Variants in PDZD2 observed in about 807,000 individuals in gnomAD.
PDZD2 encodes the protein PDZ domain-containing protein 2.
Under a neutral mutation model 220.7 loss-of-function variants are expected in PDZD2, and 90 were observed. The observed-to-expected ratio is 0.41, with a 90% CI of 0.34 to 0.49. The LOEUF is 0.49. Ranked by LOEUF, PDZD2 falls within the 20% of genes least tolerant of loss-of-function variation. The pLI is 0.28. For synonymous variants in PDZD2, 1,375 were observed against 1,450.5 expected, an observed-to-expected ratio of 0.95 and a Z score of 1.18; for missense variants, 3,174 against 3,608.5, an observed-to-expected ratio of 0.88 and a Z score of 3.08.
intron 2 of PDZD2, among the ~76,000 whole-genome samples, chr5:31,951,103 G>C (rs1176022283): frequency 6.6e-6 from 1 of 151,980 alleles, no homozygotes; most frequent in African/African-American, 2.4e-5. Context: ...GTCTCACTCT[G>C]TCTCCCAAAC....
chr5:31,935,774 A>G (rs1452617101), intron 2 of PDZD2, among the ~76,000 whole-genome samples: 1 of 152,146 alleles, frequency 6.6e-6, no homozygotes, highest in Non-Finnish European at 1.5e-5. Flanking sequence ...ACACATTTTG[A>G]TAGTATTTTG....
chr5:31,806,997 C>T (rs369466082), intron 2 of PDZD2, among the ~76,000 whole-genome samples: 2 of 149,074 alleles, frequency 1.3e-5, no homozygotes, highest in African/African-American at 5.0e-5. Context: ...TGCAACGGCG[C>T]GATCTCGACT....
At chr5:31,689,353 A>ATATTTTTTTTTTCTTT in intron 1 of PDZD2, among the ~76,000 whole-genome samples, 2 of 35,116 alleles carry the variant, frequency 5.7e-5, no homozygotes, top group Non-Finnish European at 8.4e-5. Context: ...ATATATATAT[A>ATATTTTTTTTTTCTTT]TTTTTTTTTT....
Position 31,674,753 on chromosome 5 carries a change from A to C in PDZD2, c.-361+35316A>C, listed in dbSNP as rs139666333. Among the ~76,000 whole-genome samples, 65 of 152,352 alleles carry C rather than the reference A, an allele frequency of 4.3e-4. 1 individual carries two copies. In the East Asian group the frequency reaches 0.012, roughly 28 times the overall value. On this transcript the variant is annotated intron_variant, in intron 1 of 24. Transcript: ENST00000438447. Reference sequence around the variant, plus strand: ...CAAATGAAACACTTGGGAGTCATAAAACATGAATGGCTGCTCTTTGTGGCG... The same window carrying C: ...CAAATGAAACACTTGGGAGTCATAACACATGAATGGCTGCTCTTTGTGGCG...
At chr5:31,977,161 A>G (rs1052287520) in intron 2 of PDZD2, among the ~76,000 whole-genome samples, 2 of 151,948 alleles carry the variant, frequency 1.3e-5, no homozygotes, top group African/African-American at 4.8e-5. Context: ...TCTGGCCCCA[A>G]GTTACTTTGA....
intron 5 of PDZD2, among the ~76,000 whole-genome samples, chr5:32,002,014 G>A (rs1752168206): frequency 2.0e-5 from 3 of 152,172 alleles, no homozygotes; most frequent in Non-Finnish European, 2.9e-5. Context: ...CTTTTTCCAT[G>A]ATCTCTGTTG....
At chr5:31,968,906 A>G (rs78333362) in intron 2 of PDZD2, among the ~76,000 whole-genome samples, 1 of 152,204 alleles carries the variant, frequency 6.6e-6, no homozygotes, top group Non-Finnish European at 1.5e-5. Context: ...AAACGAAAAC[A>G]TGTCATATAC....
intron 2 of PDZD2, among the ~76,000 whole-genome samples, chr5:31,854,519 T>C (rs1758255450): frequency 6.6e-6 from 1 of 152,182 alleles, no homozygotes; most frequent in South Asian, 2.1e-4. Context: ...AGCTGGGGGC[T>C]CCACCCCTGT....
intron 1 of PDZD2, among the ~76,000 whole-genome samples, chr5:31,770,771 A>G (rs1752294109): frequency 1.3e-5 from 2 of 152,132 alleles, no homozygotes; most frequent in East Asian, 1.9e-4. Flanking sequence ...GCACCAAACC[A>G]GGGCAGTTTC....
chr5:31,847,787 G>T, intron 2 of PDZD2: 1 of 580,554 alleles, frequency 1.7e-6, no homozygotes. Flanking sequence ...TCTATCCCTT[G>T]CAGTACCAGA....
In PDZD2 at chr5:31,740,764, G is replaced by A. The variant is rs527660167; in HGVS notation, c.-360-58125G>A. Among the ~76,000 whole-genome samples the A allele has an allele frequency of 1.0e-3, 153 of 152,204 alleles. 2 individuals are homozygous for A. The highest frequency in any genetic ancestry group is 7.5e-3 in the South Asian group (36 of 4,830). ...TGAATTTTTTCCCTTGCAAATTGGT[G>A]TGCATGGTTCACCACTGCAGGCTTC... On this transcript the variant is annotated intron_variant, in intron 1 of 24. Coordinates refer to ENST00000438447, the MANE Select transcript of PDZD2 (RefSeq NM_178140.4).
At chr5:32,073,199 G>A (rs73074162) in intron 17 of PDZD2, among the ~76,000 whole-genome samples, 5,419 of 152,138 alleles carry the variant, frequency 0.036, 323 homozygotes, top group African/African-American at 0.12. Context: ...TGACTCATTC[G>A]GAGCTATCAA....
chr5:31,845,094 C>T (rs1757515926), intron 2 of PDZD2, among the ~76,000 whole-genome samples: 1 of 152,192 alleles, frequency 6.6e-6, no homozygotes, highest in African/African-American at 2.4e-5. Flanking sequence ...TTCTCTCTCT[C>T]CGTCAGATGC....
rs1466466710 is a variant in PDZD2 at position 32,108,964 on chromosome 5, A to G, written c.*829A>G. ...AGGTCAACATCTAAAAGCACCTTACAACTAGTTTTTGAACCTGTCTTGATA... is the reference window on the plus strand; with the variant it reads ...AGGTCAACATCTAAAAGCACCTTACGACTAGTTTTTGAACCTGTCTTGATA... On this transcript the variant is annotated 3_prime_UTR_variant, in exon 25 of 25. Coordinates refer to ENST00000438447, the MANE Select transcript of PDZD2 (RefSeq NM_178140.4). 1 of 152,682 alleles carries G rather than the reference A, an allele frequency of 6.5e-6. No individual in the cohort carries two copies. The highest frequency in any genetic ancestry group is 1.5e-5 in the Non-Finnish European group (1 of 68,042). The allele number at this position is 152,682 out of a possible 1,614,324, so 9.5% of individuals were successfully genotyped here. A position where few individuals can be genotyped will look rare whatever the true frequency, so the allele number is the denominator to read the frequency against.
intron 2 of PDZD2, among the ~76,000 whole-genome samples, chr5:31,855,747 C>T (rs1758391935): frequency 6.6e-6 from 1 of 152,274 alleles, no homozygotes; most frequent in Non-Finnish European, 1.5e-5. Context: ...GCTTGGACAA[C>T]AGCCCCACCA....
chr5:31,894,886 T>TTTCCC lies in PDZD2; in HGVS notation c.477-88251_477-88247dup, dbSNP rs201319992. On this transcript the variant is annotated intron_variant, in intron 2 of 24. Transcript: ENST00000438447. ...TGTCCCAGTCTTGCTCTCCTTTCCC[T>TTTCCC]TTCCCTTCCCTTCCCTTCCCTTGAT... is the stretch of plus-strand genomic sequence containing the variant. 6.9e-3 allele frequency among the ~76,000 whole-genome samples: 1,051 copies of TTTCCC among 152,234 alleles called. 43 individuals are homozygous for TTTCCC. The highest frequency in any genetic ancestry group is 0.064 in the Admixed American group (980 of 15,266).
At chr5:31,768,174 A>C (rs1366169375) in intron 1 of PDZD2, among the ~76,000 whole-genome samples, 1 of 152,216 alleles carries the variant, frequency 6.6e-6, no homozygotes, top group Non-Finnish European at 1.5e-5. Context: ...GTTTAGCAAC[A>C]GCACGCTGTG....
chr5:31,768,042 C>G (rs1210685600), intron 1 of PDZD2, among the ~76,000 whole-genome samples: 1 of 152,192 alleles, frequency 6.6e-6, no homozygotes, highest in East Asian at 1.9e-4. Flanking sequence ...AGGATTGTCA[C>G]CACATCTAGA....
chr5:31,684,499 G>A (rs547945346), intron 1 of PDZD2, among the ~76,000 whole-genome samples: 1 of 151,802 alleles, frequency 6.6e-6, no homozygotes, highest in South Asian at 2.1e-4. Context: ...ATTGCAAACT[G>A]GAAGTGCATT....
Sources: allele counts gnomAD v4.1 joint callset (sites outside exome capture counted in the v4.1 genomes callset), GRCh38; gene constraint gnomAD v4.1.1; transcripts MANE v1.5; gene names NCBI Gene and HGNC (gene_info 2026-07-23, HGNC 2026-07-21).